UBE2D2: variants seen among roughly 807,000 people sequenced by gnomAD.
UBE2D2 encodes ubiquitin conjugating enzyme E2 D2.
Under a neutral mutation model 24.2 loss-of-function variants are expected in UBE2D2, and 2 were observed. That is an observed-to-expected ratio of 0.08 (90% CI 0.03 to 0.26). The LOEUF is 0.26. UBE2D2 is among the 10% of genes least tolerant of loss of function. UBE2D2 has a pLI of 1.00. For missense variants in UBE2D2, 44 were observed against 177.6 expected, an observed-to-expected ratio of 0.25 and a Z score of 4.28; for synonymous variants, 58 against 56.5, an observed-to-expected ratio of 1.03 and a Z score of -0.12.
At chr5:139,615,545 C>A (rs546792273) in intron 5 of UBE2D2, among the ~76,000 whole-genome samples, 5 of 151,580 alleles carry the variant, frequency 3.3e-5, no homozygotes, top group African/African-American at 1.2e-4. Flanking sequence ...AAGTAGAGCA[C>A]AATTAACATC....
intron 6 of UBE2D2, among the ~76,000 whole-genome samples, chr5:139,626,078 T>C (rs533685093): frequency 6.6e-6 from 1 of 151,114 alleles, no homozygotes; most frequent in East Asian, 1.9e-4. Flanking sequence ...TTTTTCCCCC[T>C]TTTTTTTTGA....
At chr5:139,578,434 T>TTGTGTGTGTGTGTGTG (rs34697798) in intron 1 of UBE2D2, among the ~76,000 whole-genome samples, 4 of 144,970 alleles carry the variant, frequency 2.8e-5, no homozygotes, top group African/African-American at 1.0e-4. Flanking sequence ...GTTTTGTGTT[T>TTGTGTGTGTGTGTGTG]TGTGTGTGTG....
At chr5:139,555,405 G>GAAATTATTTGAAAATAATTTGA (rs879303659) in intron 1 of UBE2D2, among the ~76,000 whole-genome samples, 1 of 151,502 alleles carries the variant, frequency 6.6e-6, no homozygotes, top group African/African-American at 2.4e-5. Context: ...AAAATTATTT[G>GAAATTATTTGAAAATAATTTGA]AAATTATTTG....
At chr5:139,622,986 G>A (rs1754544463) in intron 5 of UBE2D2, among the ~76,000 whole-genome samples, 1 of 151,550 alleles carries the variant, frequency 6.6e-6, no homozygotes. Context: ...GGTGAATCAC[G>A]AGGTCAGGAG....
intron 1 of UBE2D2, among the ~76,000 whole-genome samples, chr5:139,552,502 CTTTTTTCTTTTTTTT>C (rs1034942308): frequency 2.4e-4 from 33 of 138,450 alleles, no homozygotes; most frequent in Non-Finnish European, 4.4e-4. Context: ...TTTCTTTTTT[CTTTTTTCTTTTTTTT>C]TTTTTTTTGA....
chr5:139,583,952 AGC>A (rs1753661640), intron 1 of UBE2D2, among the ~76,000 whole-genome samples: 1 of 152,176 alleles, frequency 6.6e-6, no homozygotes, highest in Non-Finnish European at 1.5e-5. Flanking sequence ...TAGCTCTTGT[AGC>A]GCAATTCCTT....
chr5:139,564,566 G>A (rs1403794885), intron 1 of UBE2D2, among the ~76,000 whole-genome samples: 1 of 151,674 alleles, frequency 6.6e-6, no homozygotes, highest in East Asian at 1.9e-4. Flanking sequence ...CGATTCTCCT[G>A]CCTCAGCCTC....
chr5:139,549,924 T>C (rs1752886688), intron 1 of UBE2D2, among the ~76,000 whole-genome samples: 1 of 152,154 alleles, frequency 6.6e-6, no homozygotes. Flanking sequence ...TCTATCTAGC[T>C]AATCTGGTGG....
intron 1 of UBE2D2, among the ~76,000 whole-genome samples, chr5:139,588,967 A>G (rs1753787589): frequency 6.6e-6 from 1 of 151,850 alleles, no homozygotes; most frequent in African/African-American, 2.4e-5. Flanking sequence ...CTGATTTTTA[A>G]ATGTTTTGTA....
rs547001400 is a variant in UBE2D2, at chr5:139,586,541, G to A, written c.25-13831G>A. Among the ~76,000 whole-genome samples, 85 of 152,176 alleles carry A rather than the reference G, an allele frequency of 5.6e-4. 2 individuals are homozygous for A. The East Asian group carries it at 0.016, about 29-fold the overall frequency. The stretch of plus-strand genomic sequence containing the variant: ...CACACTTTGGGAGGCCGAGGCGGGC[G>A]GATCACGAGGTCAGGAGATGGAGAC... On this transcript the variant is annotated intron_variant, in intron 1 of 6. Transcript: ENST00000398733.
At chr5:139,538,563 G>A (rs1752716233) in intron 1 of UBE2D2, among the ~76,000 whole-genome samples, 1 of 151,964 alleles carries the variant, frequency 6.6e-6, no homozygotes, top group Non-Finnish European at 1.5e-5. Flanking sequence ...AGAATCCCTT[G>A]GTAAAATATA....
Position 139,599,933 on chromosome 5 carries a change from A to G in UBE2D2, c.25-439A>G, listed in dbSNP as rs1033994476. Among the ~76,000 whole-genome samples the G allele has an allele frequency of 2.6e-5, 4 of 151,764 alleles. No individual in the cohort carries two copies. The East Asian group carries it at 7.8e-4, about 30-fold the overall frequency. On this transcript the variant is annotated intron_variant, in intron 1 of 6. Transcript: ENST00000398733. ...ATTCTCCTGCCTCAGCCTCCTGAGT[A>G]GCTGGTATGACAGGCATGTATCACC...
chr5:139,617,963 T>A (rs902367517), intron 5 of UBE2D2, among the ~76,000 whole-genome samples: 4 of 144,156 alleles, frequency 2.8e-5, no homozygotes, highest in East Asian at 2.0e-4. Context: ...TAAAAAAAAA[T>A]TATTATTATT....
chr5:139,561,948 C>T, intron 1 of UBE2D2, 133 bp downstream of exon 1: 3 of 1,259,444 alleles, frequency 2.4e-6, no homozygotes, highest in Non-Finnish European at 3.1e-6. Context: ...GGGCGGCCTC[C>T]ATACCCCACT....
At chr5:139,544,539 C>T (rs568548078) in intron 1 of UBE2D2, among the ~76,000 whole-genome samples, 1 of 151,976 alleles carries the variant, frequency 6.6e-6, no homozygotes, top group Admixed American at 6.6e-5. Flanking sequence ...GATCTACCCA[C>T]CTCAGCCTCC....
intron 1 of UBE2D2, among the ~76,000 whole-genome samples, chr5:139,551,516 T>C (rs1168151881): frequency 5.3e-5 from 8 of 152,148 alleles, no homozygotes; most frequent in Non-Finnish European, 1.0e-4. Flanking sequence ...GTGTGTGTTT[T>C]AAGGGAGCTA....
At chr5:139,609,604 C>T (rs1197725765) in intron 2 of UBE2D2, among the ~76,000 whole-genome samples, 3 of 151,466 alleles carry the variant, frequency 2.0e-5, no homozygotes, top group Admixed American at 6.6e-5. Context: ...CTCCCAACCT[C>T]AGGTGATCCG....
intron 5 of UBE2D2, among the ~76,000 whole-genome samples, chr5:139,619,357 C>T (rs1164490233): frequency 6.7e-6 from 1 of 149,084 alleles, no homozygotes; most frequent in East Asian, 2.0e-4. Context: ...CATCACACCA[C>T]TGTGCTCCAG....
At position 139,536,891 on chromosome 5, in the gene UBE2D2, A is replaced by G. The variant is rs756791825; in HGVS notation, c.-64+10279A>G. On this transcript the variant is annotated intron_variant, in intron 1 of 6. Transcript: ENST00000511725. The stretch of plus-strand genomic sequence containing the variant: ...TTATTATCATGCTTTAAAAAGTAGT[A>G]AACCCAGGCTGGACGAGGTGACTCA... Among the ~76,000 whole-genome samples the G allele has an allele frequency of 1.2e-3, 186 of 152,104 alleles. 7 individuals carry two copies. Among genetic ancestry groups the G allele is most frequent in the Non-Finnish European group, 2.1e-4 (14 of 68,010 alleles).
Sources: gnomAD v4.1 joint callset for allele counts (sites outside exome capture counted in the v4.1 genomes callset) on GRCh38, gnomAD v4.1.1 for gene constraint, MANE v1.5 for transcripts, NCBI Gene and HGNC (gene_info 2026-07-23, HGNC 2026-07-21) for gene names.